Variants in KRIT1 observed in about 807,000 individuals in gnomAD.
KRIT1 encodes the protein KRIT1 ankyrin repeat containing, also known as krev interaction trapped protein 1.
Under a neutral mutation model 95.8 loss-of-function variants are expected in KRIT1, and 45 were observed. The observed-to-expected ratio is 0.47, with a 90% CI of 0.37 to 0.60. The LOEUF is 0.60. Among genes scored for constraint, KRIT1 ranks in the 20% least tolerant of loss-of-function variants. The probability of loss-of-function intolerance (pLI) is 0.00; values close to 1 mark genes in which losing one functional copy is unlikely to be tolerated. For missense variants in KRIT1, 788 were observed against 877.5 expected (o/e 0.90, Z 1.29); for synonymous variants, 282 against 278.8 (o/e 1.01, Z -0.11).
At chr7:92,242,414 G>T (rs545391517) in intron 3 of KRIT1, among the ~76,000 whole-genome samples, 22 of 152,128 alleles carry the variant, frequency 1.4e-4, no homozygotes, top group South Asian at 6.2e-4. Flanking sequence ...TTAAAATAGG[G>T]TTATACATTT....
intron 10 of KRIT1, among the ~76,000 whole-genome samples, chr7:92,234,175 CT>C (rs1797914204): frequency 6.6e-6 from 1 of 152,190 alleles, no homozygotes; most frequent in African/African-American, 2.4e-5. Context: ...AATAAGTGAC[CT>C]TGTACTCTAC....
chr7:92,241,174 G>C (rs1343502053), intron 4 of KRIT1, 22 bp from the exon 5 acceptor site: 1 of 1,565,582 alleles, frequency 6.4e-7, no homozygotes, highest in Non-Finnish European at 8.8e-7. Flanking sequence ...AAAACATTAA[G>C]AGAAAGCTTA....
intron 14 of KRIT1, among the ~76,000 whole-genome samples, chr7:92,220,979 T>C (rs1795024570): frequency 6.6e-6 from 1 of 151,996 alleles, no homozygotes; most frequent in South Asian, 2.1e-4. Context: ...TGAGCCACTG[T>C]GCCTGGTCCA....
Position 92,225,742 on chromosome 7 carries a change from A to G in KRIT1, c.1232T>C (p.Leu411Ser). 2.5e-6 allele frequency: 4 copies of G among 1,593,686 alleles called. No individual in the cohort carries two copies. Among genetic ancestry groups the G allele is most frequent in the Non-Finnish European group, 3.4e-6 (4 of 1,161,762 alleles). Residue 411 changes from leucine (L) to serine (S), a missense_variant, in exon 12 of 19, where the codon TTG becomes TCG. Leu to Ser is a moderately radical substitution (Grantham distance 145, BLOSUM62 -2). This residue lies in a region of KRIT1 where 493 missense variants were observed against 582.3 expected (regional missense o/e 0.85). Transcript: ENST00000394505. The stretch of plus-strand genomic sequence containing the variant: ...TACTGGTTTGTTAATTGCTTCCTTC[A>G]ACAATTTTGCAGCTTCTTCCCAGTT... ...QNNWEEAAKL[L>S]KEAINKPYEK...
At position 92,225,584 on chromosome 7, in the gene KRIT1, T is replaced by C. The variant is rs1584905423; in HGVS notation, c.1254+136A>G. 4.5e-6 allele frequency: 3 copies of C among 669,650 alleles called. No homozygotes were observed. The East Asian group carries it at 8.3e-5, about 19-fold the overall frequency. The allele number at this position is 669,650 out of a possible 1,614,324, so 41.5% of individuals were successfully genotyped here. ...CTGGGATTACAGGTGTGAGCCACCA[T>C]ACCTGGCCTACAATGAGGTTTTATA... On this transcript the variant is annotated intron_variant, in intron 12 of 18. Transcript: ENST00000394505.
chr7:92,204,265 A>G (rs539380369), intron 17 of KRIT1, among the ~76,000 whole-genome samples: 6 of 143,234 alleles, frequency 4.2e-5, no homozygotes, highest in Non-Finnish European at 9.3e-5. Context: ...TGTCCCAAGG[A>G]AAAAAAAAAA....
intron 14 of KRIT1, among the ~76,000 whole-genome samples, chr7:92,216,442 T>C (rs1321119694): frequency 6.6e-6 from 1 of 151,828 alleles, no homozygotes; most frequent in Non-Finnish European, 1.5e-5. Context: ...ATATAAAGCA[T>C]GAGCCTTGAC....
chr7:92,226,813 G>C (rs1013395222), intron 10 of KRIT1, 131 bp from the exon 11 acceptor site: 7 of 773,108 alleles, frequency 9.1e-6, no homozygotes, highest in Admixed American at 7.2e-5. Context: ...CTAGGACAGA[G>C]AGCAAAGGAT....
At chr7:92,208,671 A>G (rs1792098187) in intron 17 of KRIT1, among the ~76,000 whole-genome samples, 1 of 152,222 alleles carries the variant, frequency 6.6e-6, no homozygotes. Flanking sequence ...GAAGGAAAAG[A>G]AAACCTCAAC....
chr7:92,237,709 C>A lies in KRIT1; in HGVS notation c.313G>T (p.Gly105Cys), dbSNP rs755998845. 1 of 1,608,786 alleles carries A rather than the reference C, an allele frequency of 6.2e-7. No homozygotes were observed. Among genetic ancestry groups the A allele is most frequent in the Non-Finnish European group, 8.5e-7 (1 of 1,175,570 alleles). ...ACAATAAATAATGATGCTTCTCTGC[C>A]CATCTTCTCTCCATCCAGAGGAAAT... is the stretch of plus-strand genomic sequence containing the variant. ...KKFPLDGEKM[G>C]REASLFIVPS... Residue 105 changes from glycine to cysteine, a missense_variant, in exon 6 of 19, where the codon GGC becomes TGC. This residue lies in a region of KRIT1 where 289 missense variants were observed against 277.5 expected (regional missense o/e 1.04). Transcript: ENST00000394505.
At chr7:92,201,561 G>A in intron 17 of KRIT1, 138 bp from the exon 18 acceptor site, 1 of 657,608 alleles carries the variant, frequency 1.5e-6, no homozygotes, top group South Asian at 1.6e-5. Context: ...TATACTTTAA[G>A]TTCTGGGGTA....
At chr7:92,235,347 T>G (rs750808742) in intron 8 of KRIT1, 56 bp downstream of exon 8, 86 of 1,569,482 alleles carry the variant, frequency 5.5e-5, no homozygotes, top group Non-Finnish European at 7.2e-5. Flanking sequence ...GGAAAAAAAA[T>G]TACACTTGAG....
intron 14 of KRIT1, among the ~76,000 whole-genome samples, chr7:92,216,177 C>A (rs1163242008): frequency 6.8e-6 from 1 of 146,864 alleles, no homozygotes; most frequent in African/African-American, 2.5e-5. Context: ...TGCAGTGAGC[C>A]GAAATTGCAC....
chr7:92,225,601 G>A, intron 12 of KRIT1, 119 bp downstream of exon 12: 1 of 705,296 alleles, frequency 1.4e-6, no homozygotes, highest in Non-Finnish European at 2.6e-6. Flanking sequence ...CCTACAATGA[G>A]GTTTTATAGC....
chr7:92,205,113 G>A (rs534487568), intron 17 of KRIT1, among the ~76,000 whole-genome samples: 2 of 152,246 alleles, frequency 1.3e-5, no homozygotes, highest in Admixed American at 6.5e-5. Context: ...TTGGGAGGGC[G>A]AGGCAGTCGG....
intron 6 of KRIT1, among the ~76,000 whole-genome samples, chr7:92,237,406 AAATTTC>A (rs1798654932): frequency 6.6e-6 from 1 of 152,112 alleles, no homozygotes; most frequent in Non-Finnish European, 1.5e-5. Context: ...TGAGCACTTT[AAATTTC>A]AATTATGCCT....
At chr7:92,225,310 T>TTTTG (rs769317414) in intron 12 of KRIT1, among the ~76,000 whole-genome samples, 3 of 152,138 alleles carry the variant, frequency 2.0e-5, no homozygotes, top group Non-Finnish European at 2.9e-5. Flanking sequence ...CAATGAGGTT[T>TTTTG]TTTGTTTGTT....
chr7:92,221,889 T>G lies in KRIT1; in HGVS notation c.1563+13A>C. 1 of 1,611,064 alleles carries G rather than the reference T, an allele frequency of 6.2e-7. No homozygotes were observed. The highest frequency in any genetic ancestry group is 8.5e-7 in the Non-Finnish European group (1 of 1,177,980). ...TGCATTTAAATAACTGTAAATAAGATTTCCAAGCAAACCTGTTTTTCAACT... is the reference window on the plus strand; with the variant it reads ...TGCATTTAAATAACTGTAAATAAGAGTTCCAAGCAAACCTGTTTTTCAACT... On this transcript the variant is annotated intron_variant, in intron 14 of 18. Coordinates refer to ENST00000394505, the MANE Select transcript of KRIT1 (RefSeq NM_194454.3).
chr7:92,244,586 C>A (rs1355231680), intron 2 of KRIT1, among the ~76,000 whole-genome samples: 1 of 151,936 alleles, frequency 6.6e-6, no homozygotes, highest in Non-Finnish European at 1.5e-5. Flanking sequence ...AAGAAGGAAA[C>A]AAAGGCTTAA....
Sources: gnomAD v4.1 joint callset for allele counts (sites outside exome capture counted in the v4.1 genomes callset) on GRCh38, gnomAD v4.1.1 for gene constraint, gnomAD v4.1.1 regional missense constraint, MANE v1.5 for transcripts, NCBI Gene and HGNC (gene_info 2026-07-23, HGNC 2026-07-21) for gene names.